Variants in WNT6 observed in about 807,000 individuals in gnomAD.
WNT6 encodes the protein protein Wnt-6.
Under a neutral mutation model 33.1 loss-of-function variants are expected in WNT6, and 27 were observed. The observed-to-expected ratio is 0.82, with a 90% CI of 0.60 to 1.12. WNT6 has a LOEUF of 1.12. Ranked by LOEUF, WNT6 falls within the 50% of genes most tolerant of loss-of-function variation. The pLI is 0.00. For missense variants in WNT6, 494 were observed against 535.3 expected, an observed-to-expected ratio of 0.92 and a Z score of 0.76; for synonymous variants, 249 against 242.8, an observed-to-expected ratio of 1.03 and a Z score of -0.24.
At chr2:218,860,603 A>T (rs1054916962) in intron 1 of WNT6, among the ~76,000 whole-genome samples, 7 of 152,124 alleles carry the variant, frequency 4.6e-5, no homozygotes, top group Non-Finnish European at 7.4e-5. Flanking sequence ...GACAGAGGGA[A>T]TATAAAGGGG....
chr2:218,871,014 C>T lies in WNT6; in HGVS notation c.81-13C>T, dbSNP rs777488866. 1.3e-6 allele frequency: 2 copies of T among 1,589,916 alleles called. No homozygotes were observed. The highest frequency in any genetic ancestry group is 1.7e-6 in the Non-Finnish European group (2 of 1,163,932). Reference sequence around the variant, plus strand: ...TGGGTTACACCCCTGACCTGCTATTCTCTGCTTTCCAGGGCTGTGGGCAGC... The same window carrying T: ...TGGGTTACACCCCTGACCTGCTATTTTCTGCTTTCCAGGGCTGTGGGCAGC... On this transcript the variant is annotated splice_polypyrimidine_tract_variant and intron_variant, in intron 1 of 3. Coordinates refer to ENST00000233948, the MANE Select transcript of WNT6 (RefSeq NM_006522.4). The surrounding 1 kb of genome is among the most constrained non-coding windows in gnomAD (Gnocchi z 6.4).
intron 1 of WNT6, among the ~76,000 whole-genome samples, chr2:218,866,833 C>T (rs889579140): frequency 3.3e-5 from 5 of 152,200 alleles, no homozygotes; most frequent in African/African-American, 1.2e-4. Flanking sequence ...CATGCATGAG[C>T]TTATTGTCTT....
At position 218,873,609 on chromosome 2, in the gene WNT6, G is replaced by A. The variant is rs751610006; in HGVS notation, c.862G>A (p.Ala288Thr). 6.4e-7 allele frequency: 1 copy of A among 1,565,652 alleles called. No homozygotes were observed. The highest frequency in any genetic ancestry group is 1.2e-5 in the South Asian group (1 of 86,606). Residue 288 changes from alanine (A) to threonine (T), a missense_variant, in exon 4 of 4, where the codon GCC becomes ACC. Ala to Thr is a moderately conservative substitution (Grantham distance 58). Coordinates refer to ENST00000233948, the MANE Select transcript of WNT6 (RefSeq NM_006522.4). This position sits in a 1 kb window ranked among gnomAD's most constrained non-coding sequence, Gnocchi z 6.1. ...GGGCCGAGCGGACCTCCTCTACGCC[G>A]CCGATTCGCCCGACTTCTGCGCCCC... Reference protein sequence around the residue: ...PPGRADLLYAADSPDFCAPNR... With the variant: ...PPGRADLLYATDSPDFCAPNR...
intron 1 of WNT6, among the ~76,000 whole-genome samples, chr2:218,862,404 G>A (rs1215750347): frequency 6.6e-6 from 1 of 151,970 alleles, no homozygotes; most frequent in Non-Finnish European, 1.5e-5. Flanking sequence ...GGAGTGCAGT[G>A]GTGCGATCTT....
intron 1 of WNT6, 95 bp downstream of exon 1, chr2:218,860,212 A>C: frequency 1.7e-6 from 2 of 1,194,548 alleles, no homozygotes; most frequent in South Asian, 4.3e-5. Flanking sequence ...TCCCGGCTCT[A>C]CCTGCTCTCC....
rs1339276331 is a variant in WNT6, at chr2:218,867,111, A to G, written c.81-3916A>G. ...TCTGGAATAGATTCAGAGTTAATCAACCTTGCTAGGGGTACGGGGCTGTGT... is the reference window on the plus strand; with the variant it reads ...TCTGGAATAGATTCAGAGTTAATCAGCCTTGCTAGGGGTACGGGGCTGTGT... On this transcript the variant is annotated intron_variant, in intron 1 of 3. Coordinates refer to ENST00000233948, the MANE Select transcript of WNT6 (RefSeq NM_006522.4). This position sits in a 1 kb window ranked among gnomAD's most constrained non-coding sequence, Gnocchi z 4.9. Among the ~76,000 whole-genome samples the G allele has an allele frequency of 2.6e-5, 4 of 152,132 alleles. No individual in the cohort carries two copies. Among genetic ancestry groups the G allele is most frequent in the Non-Finnish European group, 5.9e-5 (4 of 68,020 alleles).
rs1944419635 is a variant in WNT6, at chr2:218,873,280, C to T, written c.637-104C>T. 2.6e-6 allele frequency: 3 copies of T among 1,159,066 alleles called. No individual in the cohort carries two copies. The highest frequency in any genetic ancestry group is 3.1e-5 in the South Asian group (2 of 64,296). 71.8% of individuals were successfully genotyped at this position (1,159,066 alleles called of 1,614,324 possible). A position where few individuals can be genotyped will look rare whatever the true frequency, so the allele number is the denominator to read the frequency against. Reference sequence around the variant, plus strand: ...TCTCCTTTTGTCTGCATTTTCCTCTCTTCCTTTCACCTCCCATTCCCAATC... The same window carrying T: ...TCTCCTTTTGTCTGCATTTTCCTCTTTTCCTTTCACCTCCCATTCCCAATC... On this transcript the variant is annotated intron_variant, in intron 3 of 3. Transcript: ENST00000233948. This position sits in a 1 kb window ranked among gnomAD's most constrained non-coding sequence, Gnocchi z 6.1.
At chr2:218,870,579 A>G (rs907459533) in intron 1 of WNT6, among the ~76,000 whole-genome samples, 4 of 152,208 alleles carry the variant, frequency 2.6e-5, no homozygotes, top group African/African-American at 9.6e-5. Flanking sequence ...CACTAGGACC[A>G]TATCATTCCT....
At chr2:218,861,757 CTTACGGT>C (rs1172427123) in intron 1 of WNT6, among the ~76,000 whole-genome samples, 1 of 152,108 alleles carries the variant, frequency 6.6e-6, no homozygotes, top group Non-Finnish European at 1.5e-5. Context: ...CATTCTTATC[CTTACGGT>C]TAAAATACCA....
chr2:218,862,679 C>T (rs1944320332), intron 1 of WNT6, among the ~76,000 whole-genome samples: 1 of 148,724 alleles, frequency 6.7e-6, no homozygotes, highest in East Asian at 2.1e-4. Flanking sequence ...ATTACCATGG[C>T]ATTACCATGC....
rs181397345 is a variant in WNT6, at chr2:218,873,149, C to A, written c.637-235C>A. Among the ~76,000 whole-genome samples the A allele has an allele frequency of 1.3e-5, 2 of 152,250 alleles. No individual in the cohort carries two copies. The highest frequency in any genetic ancestry group is 6.5e-5 in the Admixed American group (1 of 15,300). ...TGGAATCTCTGCGCTGCATATTGTC[C>A]CCGTCTCCCCTCTTCGTCATCATCA... is the stretch of plus-strand genomic sequence containing the variant. On this transcript the variant is annotated intron_variant, in intron 3 of 3. Coordinates refer to ENST00000233948, the MANE Select transcript of WNT6 (RefSeq NM_006522.4). The surrounding 1 kb of genome is among the most constrained non-coding windows in gnomAD (Gnocchi z 6.1).
chr2:218,869,560 C>G (rs1413743780), intron 1 of WNT6, among the ~76,000 whole-genome samples: 1 of 152,166 alleles, frequency 6.6e-6, no homozygotes, highest in Non-Finnish European at 1.5e-5. Context: ...TCCTGGGACC[C>G]CTACCCCCAC....
rs1944430806 is a variant in WNT6, at chr2:218,873,893, C to G, written c.*48C>G. 1 of 1,398,154 alleles carries G rather than the reference C, an allele frequency of 7.2e-7. No homozygotes were observed. The highest frequency in any genetic ancestry group is 9.2e-7 in the Non-Finnish European group (1 of 1,081,430). The allele number at this position is 1,398,154 out of a possible 1,614,324, so 86.6% of individuals were successfully genotyped here. ...GACTTCGCGCAGCGGTGGCTCGCAC[C>G]TGTGGGACCTCAGGGCACCGGCACC... is the stretch of plus-strand genomic sequence containing the variant. On this transcript the variant is annotated 3_prime_UTR_variant, in exon 4 of 4. Transcript: ENST00000233948. This position sits in a 1 kb window ranked among gnomAD's most constrained non-coding sequence, Gnocchi z 6.1.
At chr2:218,860,178 G>A in intron 1 of WNT6, 61 bp downstream of exon 1, 1 of 1,422,458 alleles carries the variant, frequency 7.0e-7, no homozygotes. Context: ...CGGGACCCAG[G>A]ACAGACTGGG....
chr2:218,863,347 C>T (rs964473397), intron 1 of WNT6, among the ~76,000 whole-genome samples: 1 of 152,182 alleles, frequency 6.6e-6, no homozygotes, highest in African/African-American at 2.4e-5. Context: ...GCAGCAGCCT[C>T]CTGCATCCCA....
In WNT6 at chr2:218,860,062, C is replaced by T; in HGVS notation, c.25C>T (p.Leu9Phe). The change falls in exon 1 of 4, where the codon CTC (leucine) becomes TTC (phenylalanine). Residue 9 changes from leucine to phenylalanine, a missense_variant. Physicochemically the swap from Leu to Phe is conservative, Grantham distance 22 (BLOSUM62 0). Coordinates refer to ENST00000233948, the MANE Select transcript of WNT6 (RefSeq NM_006522.4). ...GATGCTGCCGCCCTTACCCTCCCGCCTCGGGCTGCTGCTGCTGCTGCTCCT... is the reference window on the plus strand; with the variant it reads ...GATGCTGCCGCCCTTACCCTCCCGCTTCGGGCTGCTGCTGCTGCTGCTCCT... The part of the protein sequence containing the change: MLPPLPSR[L>F]GLLLLLLLCP... 3 of 1,521,622 alleles carry T rather than the reference C, an allele frequency of 2.0e-6. No homozygotes were observed. The highest frequency in any genetic ancestry group is 1.8e-6 in the Non-Finnish European group (2 of 1,140,152). The allele number at this position is 1,521,622 out of a possible 1,614,324, so 94.3% of individuals were successfully genotyped here. A position where few individuals can be genotyped will look rare whatever the true frequency, so the allele number is the denominator to read the frequency against.
At chr2:218,865,270 C>T (rs1264221213) in intron 1 of WNT6, among the ~76,000 whole-genome samples, 2 of 152,202 alleles carry the variant, frequency 1.3e-5, no homozygotes, top group Non-Finnish European at 2.9e-5. Flanking sequence ...GGCCGCAGGA[C>T]GCCTGTCCTT....
In WNT6 at chr2:218,860,135, G is replaced by A. The variant is rs1263534428; in HGVS notation, c.80+18G>A. On this transcript the variant is annotated intron_variant, in intron 1 of 3. Coordinates refer to ENST00000233948, the MANE Select transcript of WNT6 (RefSeq NM_006522.4). Reference sequence around the variant, plus strand: ...CTGTGGTGGTGAGTCCGGCTGTCCTGGCGCGGCTCTGGACCCTGGAGGGTG... The same window carrying A: ...CTGTGGTGGTGAGTCCGGCTGTCCTAGCGCGGCTCTGGACCCTGGAGGGTG... The A allele has an allele frequency of 6.6e-6, 10 of 1,515,122 alleles. No homozygotes were observed. In the East Asian group the frequency reaches 1.9e-4, roughly 28 times the overall value. 93.9% of individuals were successfully genotyped at this position (1,515,122 alleles called of 1,614,324 possible). A position where few individuals can be genotyped will look rare whatever the true frequency, so the allele number is the denominator to read the frequency against.
chr2:218,866,028 G>A (rs867415372), intron 1 of WNT6, among the ~76,000 whole-genome samples: 14 of 152,074 alleles, frequency 9.2e-5, no homozygotes, highest in Middle Eastern at 6.8e-3. Context: ...GGGGAGGGGA[G>A]CAGTAATTAC....
Sources: gnomAD v4.1 joint callset for allele counts (sites outside exome capture counted in the v4.1 genomes callset) on GRCh38, gnomAD v4.1.1 for gene constraint, Gnocchi (gnomAD v3.1) non-coding constraint, MANE v1.5 for transcripts, NCBI Gene and HGNC (gene_info 2026-07-23, HGNC 2026-07-21) for gene names.